Variants in EXOC4 observed in about 807,000 individuals in gnomAD.
EXOC4 encodes the protein exocyst complex component 4, also known as SEC8-like 1.
EXOC4 carries 71 observed loss-of-function variants against 107.2 expected under a neutral mutation model. The observed-to-expected ratio is 0.66, with a 90% CI of 0.55 to 0.81. The LOEUF (loss-of-function observed/expected upper bound fraction) is 0.81. Ranked by LOEUF, EXOC4 falls within the 30% of genes least tolerant of loss-of-function variation. The probability of loss-of-function intolerance (pLI) is 0.00; values close to 1 mark genes in which losing one functional copy is unlikely to be tolerated. For synonymous variants in EXOC4, 456 were observed against 441.2 expected (o/e 1.03, Z -0.42); for missense variants, 1,108 against 1,189.6 (o/e 0.93, Z 1.01).
chr7:133,777,742 T>C (rs547396840), intron 10 of EXOC4, among the ~76,000 whole-genome samples: 26 of 152,332 alleles, frequency 1.7e-4, no homozygotes, highest in African/African-American at 5.8e-4. Context: ...GTACTTTGGT[T>C]TCCTCATGTG....
intron 10 of EXOC4, among the ~76,000 whole-genome samples, chr7:133,810,527 A>C (rs1208831002): frequency 6.6e-6 from 1 of 152,162 alleles, no homozygotes; most frequent in Admixed American, 6.5e-5. Flanking sequence ...TTAGTTGAGA[A>C]TCTGAAAAGG....
intron 10 of EXOC4, among the ~76,000 whole-genome samples, chr7:133,792,810 G>A (rs772808833): frequency 3.3e-5 from 5 of 152,102 alleles, no homozygotes; most frequent in Non-Finnish European, 5.9e-5. Context: ...CTGAAAAAGT[G>A]TATAAAAATA....
intron 17 of EXOC4, among the ~76,000 whole-genome samples, chr7:134,044,416 A>G (rs1795596055): frequency 6.6e-6 from 1 of 152,178 alleles, no homozygotes; most frequent in East Asian, 1.9e-4. Flanking sequence ...CTTCTGCAGG[A>G]TTTGTAAAAA....
At chr7:133,582,727 T>A (rs554693514) in intron 9 of EXOC4, among the ~76,000 whole-genome samples, 56 of 152,224 alleles carry the variant, frequency 3.7e-4, no homozygotes, top group Middle Eastern at 3.4e-3. Flanking sequence ...ATAAAAAAAT[T>A]AAGAAAAAGA....
chr7:133,404,873 C>T (rs1193850306), intron 7 of EXOC4, among the ~76,000 whole-genome samples: 4 of 26,428 alleles, frequency 1.5e-4, no homozygotes, highest in East Asian at 5.5e-3. Flanking sequence ...CCCCCTGCGC[C>T]CCCCCCCCCA....
chr7:133,709,076 A>G (rs1794828887), intron 10 of EXOC4, among the ~76,000 whole-genome samples: 1 of 152,232 alleles, frequency 6.6e-6, no homozygotes, highest in Admixed American at 6.5e-5. Flanking sequence ...ATCTGGTTGC[A>G]CAAATGGCTA....
intron 9 of EXOC4, among the ~76,000 whole-genome samples, chr7:133,629,691 C>T (rs902350848): frequency 1.3e-5 from 2 of 151,790 alleles, no homozygotes; most frequent in Non-Finnish European, 2.9e-5. Context: ...CAGGCACATG[C>T]GACCATGCCT....
chr7:133,468,897 C>T (rs1798800520), intron 7 of EXOC4, among the ~76,000 whole-genome samples: 1 of 152,112 alleles, frequency 6.6e-6, no homozygotes, highest in African/African-American at 2.4e-5. Flanking sequence ...AACTCTTGGG[C>T]ACTTGCATTT....
intron 4 of EXOC4, among the ~76,000 whole-genome samples, chr7:133,309,644 T>TG (rs1446935469): frequency 3.3e-5 from 5 of 152,118 alleles, no homozygotes; most frequent in Admixed American, 6.5e-5. Flanking sequence ...AAAACCATTG[T>TG]GGAAAAAAAG....
At chr7:133,998,275 G>A (rs1475091121) in intron 15 of EXOC4, among the ~76,000 whole-genome samples, 1 of 152,166 alleles carries the variant, frequency 6.6e-6, no homozygotes, top group Non-Finnish European at 1.5e-5. Flanking sequence ...TGTACTTACA[G>A]CACATCACAA....
intron 5 of EXOC4, among the ~76,000 whole-genome samples, chr7:133,348,453 A>C (rs542463007): frequency 6.6e-6 from 1 of 152,268 alleles, no homozygotes; most frequent in South Asian, 2.1e-4. Context: ...AGTCTTATTG[A>C]TTTAAACTGC....
intron 10 of EXOC4, among the ~76,000 whole-genome samples, chr7:133,692,302 TA>T (rs202236810): frequency 2.4e-4 from 37 of 151,646 alleles, no homozygotes; most frequent in African/African-American, 4.6e-4. Flanking sequence ...TTATTAGTTG[TA>T]AAAAAAAATA....
At chr7:133,397,998 A>C (rs1313368287) in intron 7 of EXOC4, among the ~76,000 whole-genome samples, 1 of 152,190 alleles carries the variant, frequency 6.6e-6, no homozygotes. Flanking sequence ...ATTCCAGTTA[A>C]ACTTTTAATT....
intron 5 of EXOC4, among the ~76,000 whole-genome samples, chr7:133,325,989 T>C (rs1795230455): frequency 6.6e-6 from 1 of 152,230 alleles, no homozygotes; most frequent in Non-Finnish European, 1.5e-5. Context: ...TACCTCTTCT[T>C]CCAGTTGATC....
chr7:133,826,984 C>G (rs1797718871), intron 11 of EXOC4, among the ~76,000 whole-genome samples: 1 of 152,170 alleles, frequency 6.6e-6, no homozygotes, highest in South Asian at 2.1e-4. Context: ...CTGCGTCATT[C>G]CCTGAGTACC....
intron 7 of EXOC4, among the ~76,000 whole-genome samples, chr7:133,389,544 G>C (rs1329597107): frequency 1.5e-5 from 2 of 131,954 alleles, no homozygotes; most frequent in African/African-American, 5.9e-5. Context: ...TTGCACTCCA[G>C]TCTGGGCAAC....
intron 9 of EXOC4, among the ~76,000 whole-genome samples, chr7:133,496,294 C>T (rs773732991): frequency 6.6e-6 from 1 of 151,942 alleles, no homozygotes; most frequent in Admixed American, 6.6e-5. Context: ...TAGCTAGGAA[C>T]ACAGGTGTGC....
chr7:133,680,662 C>G (rs756647517), intron 10 of EXOC4, among the ~76,000 whole-genome samples: 1 of 152,118 alleles, frequency 6.6e-6, no homozygotes. Context: ...AGAATAATTT[C>G]GCTAGGACCT....
intron 17 of EXOC4, among the ~76,000 whole-genome samples, chr7:134,043,448 T>C (rs1795571712): frequency 6.6e-6 from 1 of 152,230 alleles, no homozygotes; most frequent in South Asian, 2.1e-4. Context: ...GCAGAAACAT[T>C]TGGGTCACAA....
Sources: allele counts gnomAD v4.1 joint callset (sites outside exome capture counted in the v4.1 genomes callset), GRCh38; gene constraint gnomAD v4.1.1; transcripts MANE v1.5; gene names NCBI Gene and HGNC (gene_info 2026-07-23, HGNC 2026-07-21).